Variants in MARK3 observed in about 807,000 individuals in gnomAD.
The protein encoded by MARK3 is MAP/microtubule affinity-regulating kinase 3.
MARK3 carries 46 observed loss-of-function variants against 90.1 expected under a neutral mutation model. The observed-to-expected ratio is 0.51, with a 90% CI of 0.40 to 0.65. The LOEUF (loss-of-function observed/expected upper bound fraction) is 0.65, where lower values mean the gene tolerates loss of function less well. Among genes scored for constraint, MARK3 ranks in the 30% least tolerant of loss-of-function variants. MARK3 has a pLI of 0.00. For missense variants in MARK3, 818 were observed against 947.2 expected (o/e 0.86, Z 1.79); for synonymous variants, 321 against 332.6 (o/e 0.97, Z 0.38).
At chr14:103,412,501 C>T (rs1245310732) in intron 2 of MARK3, 1 of 503,936 alleles carries the variant, frequency 2.0e-6, no homozygotes, top group Non-Finnish European at 3.6e-6. Context: ...GTTTTTTTGG[C>T]ACCTCAGTGT....
chr14:103,390,391 C>A (rs1252362936), intron 1 of MARK3, among the ~76,000 whole-genome samples: 2 of 152,232 alleles, frequency 1.3e-5, no homozygotes, highest in Non-Finnish European at 2.9e-5. Flanking sequence ...AGCAAAGCCT[C>A]TACTGGGCCC....
At chr14:103,473,136 A>G (rs964391413) in intron 12 of MARK3, among the ~76,000 whole-genome samples, 1 of 152,236 alleles carries the variant, frequency 6.6e-6, no homozygotes, top group Non-Finnish European at 1.5e-5. Context: ...TTGAAATGAC[A>G]GAATTCTAGA....
At chr14:103,391,134 T>A (rs2090212377) in intron 1 of MARK3, among the ~76,000 whole-genome samples, 2 of 152,210 alleles carry the variant, frequency 1.3e-5, no homozygotes, top group African/African-American at 2.4e-5. Flanking sequence ...TCTAAAGACA[T>A]CTTTGGTTAT....
At chr14:103,490,820 A>C in intron 14 of MARK3, 4 of 394,730 alleles carry the variant, frequency 1.0e-5, no homozygotes, top group Non-Finnish European at 1.4e-5. Flanking sequence ...AAACAAGCTT[A>C]GGAGATTTTT....
rs537555300 is a variant in MARK3, at chr14:103,399,562, G to A, written c.52-5514G>A. The stretch of plus-strand genomic sequence containing the variant: ...AATACGAAAAAAATTAGCCGGGCAC[G>A]GTGGCGGGTACCTGTAGTCCCAGCT... On this transcript the variant is annotated intron_variant, in intron 1 of 17. Coordinates refer to ENST00000429436, the MANE Select transcript of MARK3 (RefSeq NM_001128918.3). Among the ~76,000 whole-genome samples the A allele has an allele frequency of 5.3e-5, 8 of 152,020 alleles. No individual in the cohort carries two copies. The East Asian group carries it at 1.5e-3, about 29-fold the overall frequency.
At chr14:103,496,616 T>C (rs1019955727) in intron 15 of MARK3, among the ~76,000 whole-genome samples, 8 of 152,040 alleles carry the variant, frequency 5.3e-5, no homozygotes, top group African/African-American at 1.9e-4. Context: ...TTTCACCATG[T>C]TGGCCAGGCT....
intron 13 of MARK3, among the ~76,000 whole-genome samples, chr14:103,476,889 T>C (rs557595148): frequency 5.9e-5 from 9 of 152,314 alleles, no homozygotes; most frequent in Non-Finnish European, 1.3e-4. Context: ...GTAGGATTAT[T>C]GTTTCCATAC....
chr14:103,417,856 C>T (rs1358083783), intron 2 of MARK3, among the ~76,000 whole-genome samples: 1 of 152,096 alleles, frequency 6.6e-6, no homozygotes, highest in Non-Finnish European at 1.5e-5. Context: ...CACTTGAGGT[C>T]AGGAGTTTGA....
intron 3 of MARK3, among the ~76,000 whole-genome samples, chr14:103,440,921 G>A (rs1469803103): frequency 1.7e-4 from 24 of 142,506 alleles, no homozygotes; most frequent in Non-Finnish European, 3.0e-4. Flanking sequence ...GGGTAACAGA[G>A]CAGGAGCCCC....
chr14:103,385,830 G>A lies in MARK3; in HGVS notation c.-200G>A. 2.1e-6 allele frequency: 1 copy of A among 478,116 alleles called. No individual in the cohort carries two copies. The highest frequency in any genetic ancestry group is 3.5e-5 in the South Asian group (1 of 28,440). The allele number at this position is 478,116 out of a possible 1,614,324, so 29.6% of individuals were successfully genotyped here. On this transcript the variant is annotated 5_prime_UTR_variant, in exon 1 of 18. Transcript: ENST00000429436. ...CTCCTCGCCTCGGCCGCCGAGGCAG[G>A]GAGAGAATGAGCCCCGGGACCCGCC...
chr14:103,430,062 C>T (rs1474443069), intron 3 of MARK3, among the ~76,000 whole-genome samples: 3 of 152,032 alleles, frequency 2.0e-5, no homozygotes, highest in Non-Finnish European at 4.4e-5. Flanking sequence ...CAGTTTAGTG[C>T]ATGGTAGTTT....
intron 17 of MARK3, among the ~76,000 whole-genome samples, chr14:103,500,732 C>T (rs897988385): frequency 6.6e-6 from 1 of 151,920 alleles, no homozygotes; most frequent in South Asian, 2.1e-4. Context: ...ATGCGATCCT[C>T]CCACCTCAGC....
chr14:103,411,804 G>A (rs937685064), intron 2 of MARK3, among the ~76,000 whole-genome samples: 18 of 151,646 alleles, frequency 1.2e-4, no homozygotes. Context: ...TGTATTTTTA[G>A]TAGAGAGGGG....
chr14:103,387,487 TTTATTTATTTAC>T (rs1421475027), intron 1 of MARK3, among the ~76,000 whole-genome samples: 1 of 152,114 alleles, frequency 6.6e-6, no homozygotes, highest in Non-Finnish European at 1.5e-5. Context: ...TGTTTATTTA[TTTATTTATTTAC>T]TTATTTATTT....
chr14:103,470,676 C>G (rs1247120585), intron 12 of MARK3, among the ~76,000 whole-genome samples: 1 of 151,574 alleles, frequency 6.6e-6, no homozygotes, highest in Non-Finnish European at 1.5e-5. Flanking sequence ...AGGCTGGTCC[C>G]GAACTCCTGA....
chr14:103,393,075 CTGGCT>C lies in MARK3; in HGVS notation c.51+6997_51+7001del, dbSNP rs576863681. On this transcript the variant is annotated intron_variant, in intron 1 of 17. Transcript: ENST00000429436. ...CTTGGCTCACTGCAACCTCCGCCTC[CTGGCT>C]TCAAGCAATTCTGCCTCAGCCTCCC... 5.3e-5 allele frequency among the ~76,000 whole-genome samples: 8 copies of C among 152,346 alleles called. No individual in the cohort carries two copies. In the South Asian group the frequency reaches 1.4e-3, roughly 28 times the overall value.
Position 103,405,142 on chromosome 14 carries a change from A to G in MARK3, c.118A>G (p.Arg40Gly), listed in dbSNP as rs746925323. The stretch of plus-strand genomic sequence containing the variant: ...TACCAGCCGCTCAGGAGCTCGGTGT[A>G]GAAACTCTATAGCCTCCTGTGCAGA... ...SRTSRSGARC[R>G]NSIASCADEQ... The change falls in exon 2 of 18, where the codon AGA becomes GGA. Residue 40 changes from arginine to glycine, a missense_variant. Around this residue, in one of 3 missense-constraint regions of MARK3, gnomAD observed 157 missense variants for 158.7 expected, o/e 0.99. Coordinates refer to ENST00000429436, the MANE Select transcript of MARK3 (RefSeq NM_001128918.3). 6.2e-7 allele frequency: 1 copy of G among 1,613,892 alleles called. No individual in the cohort carries two copies. The highest frequency in any genetic ancestry group is 1.1e-5 in the South Asian group (1 of 91,056).
chr14:103,441,831 A>G (rs1398990606), intron 3 of MARK3, among the ~76,000 whole-genome samples: 1 of 134,602 alleles, frequency 7.4e-6, no homozygotes, highest in African/African-American at 2.8e-5. Context: ...AGAAGTGGTT[A>G]TTCTGGTTCA....
intron 1 of MARK3, among the ~76,000 whole-genome samples, chr14:103,391,363 C>T (rs2140459544): frequency 6.6e-6 from 1 of 152,266 alleles, no homozygotes; most frequent in South Asian, 2.1e-4. Flanking sequence ...GTATCATTTC[C>T]TCTCTAAAGC....
Sources: allele counts gnomAD v4.1 joint callset (sites outside exome capture counted in the v4.1 genomes callset), GRCh38; gene constraint gnomAD v4.1.1; regional missense constraint gnomAD v4.1.1; transcripts MANE v1.5; gene names NCBI Gene and HGNC (gene_info 2026-07-23, HGNC 2026-07-21).